Variants in LINGO2 observed in about 807,000 individuals in gnomAD.
LINGO2 encodes the protein leucine rich repeat and Ig domain containing 2.
LINGO2 carries 14 observed loss-of-function variants against 30.6 expected under a neutral mutation model. That is an observed-to-expected ratio of 0.46 (90% CI 0.30 to 0.72). The LOEUF is 0.72. Ranked by LOEUF, LINGO2 falls within the 30% of genes least tolerant of loss-of-function variation. The pLI, the probability that LINGO2 is intolerant of heterozygous loss-of-function variation, is 0.07. For synonymous variants in LINGO2, 317 were observed against 288.5 expected, an observed-to-expected ratio of 1.10 and a Z score of -1.00; for missense variants, 729 against 751.7, an observed-to-expected ratio of 0.97 and a Z score of 0.35.
At chr9:29,199,858 T>C in the LINGO2 span, among the ~76,000 whole-genome samples, 1 of 151,916 alleles carries the variant, frequency 6.6e-6, no homozygotes. Flanking sequence ...GAAAGACCAG[T>C]TGGCTTAAAT....
chr9:28,377,386 GTTTAT>G (rs1287634427), intron 2 of LINGO2, among the ~76,000 whole-genome samples: 23 of 152,182 alleles, frequency 1.5e-4, no homozygotes, highest in Admixed American at 5.2e-4. Flanking sequence ...CTTTCCTGCA[GTTTAT>G]TTTATTATAA....
At chr9:28,545,577 T>C (rs979293326) in intron 1 of LINGO2, among the ~76,000 whole-genome samples, 1 of 151,940 alleles carries the variant, frequency 6.6e-6, no homozygotes, top group African/African-American at 2.4e-5. Flanking sequence ...GTCTTAACCA[T>C]ATCAAAGAAG....
intron 1 of LINGO2, among the ~76,000 whole-genome samples, chr9:28,570,661 T>C (rs1823643325): frequency 6.6e-6 from 1 of 151,828 alleles, no homozygotes; most frequent in African/African-American, 2.4e-5. Flanking sequence ...AGCATCTGTT[T>C]TTGTTGTGGG....
At position 27,950,738 on chromosome 9, in the gene LINGO2, A is replaced by G. The variant is rs1199388058; in HGVS notation, c.-35-32T>C. 8.5e-6 allele frequency: 11 copies of G among 1,299,888 alleles called. No individual in the cohort carries two copies. The Admixed American group carries it at 3.0e-4, about 35-fold the overall frequency. 80.5% of individuals were successfully genotyped at this position (1,299,888 alleles called of 1,614,324 possible). A position where few individuals can be genotyped will look rare whatever the true frequency, so the allele number is the denominator to read the frequency against. On this transcript the variant is annotated intron_variant, in intron 5 of 5. Coordinates refer to ENST00000379992, the Ensembl canonical transcript of LINGO2. ...GGAAGGGACACAAGAAGGGAGGAAG[A>G]GAAGGTGAGTTAGGATATAAATAGG... is the stretch of plus-strand genomic sequence containing the variant.
chr9:27,943,125 G>T (rs1823230492), downstream of LINGO2: 1 of 151,966 alleles, frequency 6.6e-6, no homozygotes, highest in Non-Finnish European at 1.5e-5. Flanking sequence ...ATCTTATATT[G>T]TTGATTTTAC....
intron 1 of LINGO2, among the ~76,000 whole-genome samples, chr9:28,657,310 T>A (rs1054315866): frequency 2.0e-5 from 3 of 152,246 alleles, no homozygotes; most frequent in African/African-American, 4.8e-5. Flanking sequence ...CTTTTTAATT[T>A]GAAAAGTATT....
chr9:29,116,654 T>G, the LINGO2 span, among the ~76,000 whole-genome samples: 4 of 151,652 alleles, frequency 2.6e-5, no homozygotes, highest in African/African-American at 9.7e-5. Flanking sequence ...TAAATTACAG[T>G]ATTTGAACTT....
intron 2 of LINGO2, among the ~76,000 whole-genome samples, chr9:28,414,385 C>G (rs1465515136): frequency 6.6e-6 from 1 of 152,016 alleles, no homozygotes; most frequent in Non-Finnish European, 1.5e-5. Flanking sequence ...GTTAAATACA[C>G]ATAAATGGAT....
intron 2 of LINGO2, among the ~76,000 whole-genome samples, chr9:28,419,473 G>T (rs1823100311): frequency 6.6e-6 from 1 of 151,892 alleles, no homozygotes; most frequent in South Asian, 2.1e-4. Context: ...TTGTATAAAG[G>T]TAAGACTGTT....
chr9:29,016,973 G>A, the LINGO2 span, among the ~76,000 whole-genome samples: 3 of 152,228 alleles, frequency 2.0e-5, no homozygotes, highest in African/African-American at 4.8e-5. Flanking sequence ...GATTGACACC[G>A]CACTTCACTC....
At chr9:28,728,528 A>T in the LINGO2 span, among the ~76,000 whole-genome samples, 1 of 152,142 alleles carries the variant, frequency 6.6e-6, no homozygotes, top group African/African-American at 2.4e-5. Flanking sequence ...AGATGCAAAA[A>T]AATAAAAGCA....
At chr9:28,391,705 G>A (rs1821838444) in intron 2 of LINGO2, among the ~76,000 whole-genome samples, 2 of 151,752 alleles carry the variant, frequency 1.3e-5, no homozygotes, top group African/African-American at 4.8e-5. Flanking sequence ...TTGCTGATAT[G>A]CCCTTAATTA....
At chr9:29,110,753 C>T in the LINGO2 span, among the ~76,000 whole-genome samples, 3 of 151,770 alleles carry the variant, frequency 2.0e-5, no homozygotes, top group South Asian at 6.3e-4. Context: ...TGCAGTGGTG[C>T]GATCTCGGCT....
chr9:28,448,989 T>C (rs922043479), intron 2 of LINGO2, among the ~76,000 whole-genome samples: 1 of 151,546 alleles, frequency 6.6e-6, no homozygotes, highest in Non-Finnish European at 1.5e-5. Flanking sequence ...CTAGGCTTGA[T>C]TCTGTTGGCA....
chr9:28,986,628 G>A, the LINGO2 span, among the ~76,000 whole-genome samples: 1 of 151,740 alleles, frequency 6.6e-6, no homozygotes, highest in Non-Finnish European at 1.5e-5. Flanking sequence ...GATGTTCTTC[G>A]ACATACAATG....
At chr9:29,095,290 A>T in the LINGO2 span, among the ~76,000 whole-genome samples, 1 of 138,866 alleles carries the variant, frequency 7.2e-6, no homozygotes, top group African/African-American at 2.7e-5. Context: ...ATAAGAGTAA[A>T]TTTTTTATTT....
At chr9:28,289,416 G>GAACA (rs1342656476) in intron 4 of LINGO2, among the ~76,000 whole-genome samples, 2 of 152,272 alleles carry the variant, frequency 1.3e-5, no homozygotes, top group African/African-American at 2.4e-5. Flanking sequence ...GATTCACTTT[G>GAACA]AAGGGCTATG....
intron 4 of LINGO2, among the ~76,000 whole-genome samples, chr9:28,199,347 T>TTCTTC (rs1820136591): frequency 2.1e-5 from 2 of 96,598 alleles, no homozygotes; most frequent in Non-Finnish European, 4.9e-5. Flanking sequence ...TCTTCTTCTT[T>TTCTTC]TTTTTTTTTT....
intron 4 of LINGO2, among the ~76,000 whole-genome samples, chr9:28,049,363 T>C (rs1029121706): frequency 2.0e-5 from 3 of 150,868 alleles, no homozygotes; most frequent in Admixed American, 6.6e-5. Flanking sequence ...TAGGCTATTT[T>C]AGAACCCCCA....
Sources: allele counts gnomAD v4.1 joint callset (sites outside exome capture counted in the v4.1 genomes callset), GRCh38; gene constraint gnomAD v4.1.1; transcripts MANE v1.5; gene names NCBI Gene and HGNC (gene_info 2026-07-23, HGNC 2026-07-21).